RAP1GAP2: variants seen among roughly 807,000 people sequenced by gnomAD.
RAP1GAP2 encodes rap1 GTPase-activating protein 2.
A neutral mutation model predicts 95.0 loss-of-function variants in RAP1GAP2; 27 were observed. The ratio of observed to expected loss-of-function variants is 0.28; its 90% CI spans 0.21 to 0.39. The LOEUF (loss-of-function observed/expected upper bound fraction) is 0.39. Ranked by LOEUF, RAP1GAP2 falls within the 10% of genes least tolerant of loss-of-function variation. The probability of loss-of-function intolerance (pLI) is 1.00; values close to 1 mark genes in which losing one functional copy is unlikely to be tolerated. For synonymous variants in RAP1GAP2, 373 were observed against 380.9 expected (o/e 0.98, Z 0.24); for missense variants, 771 against 970.0 (o/e 0.79, Z 2.72).
chr17:3,005,849 AG>A lies in RAP1GAP2; in HGVS notation c.1273-102del. Reference sequence around the variant, plus strand: ...GATCCGCTGTCGGAAGGGACTTTTCAGGGGTTCTCCCCATGGCCCCGGCTCT... The same window carrying A: ...GATCCGCTGTCGGAAGGGACTTTTCAGGGTTCTCCCCATGGCCCCGGCTCT... On this transcript the variant is annotated intron_variant, in intron 15 of 24. Coordinates refer to ENST00000254695, the MANE Select transcript of RAP1GAP2 (RefSeq NM_015085.5). This position sits in a 1 kb window ranked among gnomAD's most constrained non-coding sequence, Gnocchi z 5.2. 1 of 1,077,630 alleles carries A rather than the reference AG, an allele frequency of 9.3e-7. No individual in the cohort carries two copies. The highest frequency in any genetic ancestry group is 1.4e-6 in the Non-Finnish European group (1 of 695,040). 66.8% of individuals were successfully genotyped at this position (1,077,630 alleles called of 1,614,324 possible).
In RAP1GAP2 at chr17:2,965,573, C is replaced by T; in HGVS notation, c.526C>T (p.Leu176=). 6.2e-7 allele frequency: 1 copy of T among 1,612,950 alleles called. No individual in the cohort carries two copies. Among genetic ancestry groups the T allele is most frequent in the Non-Finnish European group, 8.5e-7 (1 of 1,179,584 alleles). The change falls in exon 8 of 25, where the codon CTG becomes TTG. Residue 176 remains leucine (L), a synonymous_variant. Transcript: ENST00000254695. The surrounding 1 kb of genome is among the most constrained non-coding windows in gnomAD (Gnocchi z 4.7). The part of the protein sequence containing the change: ...HLNFYCTGSS[L]GNLILSVKCE... The stretch of plus-strand genomic sequence containing the variant: ...AAACTTTTACTGTACCGGCAGCAGC[C>T]TGGGGAACTTGATCCTGTCCGTCAA...
intron 2 of RAP1GAP2, among the ~76,000 whole-genome samples, chr17:2,879,492 C>G (rs1280014391): frequency 6.6e-6 from 1 of 151,966 alleles, no homozygotes; most frequent in Non-Finnish European, 1.5e-5. Flanking sequence ...CTTTGAGAGG[C>G]CAAGGCGGGC....
chr17:2,931,121 CAAAA>C (rs67067799), intron 3 of RAP1GAP2, among the ~76,000 whole-genome samples: 3 of 67,176 alleles, frequency 4.5e-5, no homozygotes, highest in Non-Finnish European at 8.7e-5. Flanking sequence ...GACTCCATCT[CAAAA>C]AAAAAAAAAA....
At chr17:3,013,074 G>C (rs901851839) in intron 17 of RAP1GAP2, among the ~76,000 whole-genome samples, 2 of 152,206 alleles carry the variant, frequency 1.3e-5, no homozygotes, top group African/African-American at 4.8e-5. Context: ...ACCCGGGACC[G>C]TGGCAAGCTG....
At chr17:2,933,535 G>A (rs1037214291) in intron 3 of RAP1GAP2, among the ~76,000 whole-genome samples, 41 of 152,230 alleles carry the variant, frequency 2.7e-4, no homozygotes, top group African/African-American at 9.6e-5. Context: ...TCAGCCTGGG[G>A]GGCTCTTTAT....
At chr17:2,850,790 G>T (rs1236164879) in intron 2 of RAP1GAP2, among the ~76,000 whole-genome samples, 1 of 149,128 alleles carries the variant, frequency 6.7e-6, no homozygotes, top group African/African-American at 2.5e-5. Flanking sequence ...GGCCAGGCGC[G>T]ATGGCTCACA....
In RAP1GAP2 at chr17:2,957,757, A is replaced by G; in HGVS notation, c.166-2A>G. 6.2e-7 allele frequency: 1 copy of G among 1,606,690 alleles called. No individual in the cohort carries two copies. Among genetic ancestry groups the G allele is most frequent in the South Asian group, 1.1e-5 (1 of 90,034 alleles). ...TTCTGTCCCCCTGCTTTTGTCTTTC[A>G]GTCGTCGGAGTTCTTTGAGATGCTG... is the stretch of plus-strand genomic sequence containing the variant. On this transcript the variant is annotated splice_acceptor_variant, in intron 3 of 24. Coordinates refer to ENST00000254695, the MANE Select transcript of RAP1GAP2 (RefSeq NM_015085.5). LOFTEE classifies it high-confidence loss of function.
chr17:2,949,852 C>T (rs1597698547), intron 3 of RAP1GAP2, among the ~76,000 whole-genome samples: 2 of 152,298 alleles, frequency 1.3e-5, no homozygotes, highest in East Asian at 3.9e-4. Context: ...GAAAGTGCAG[C>T]AAGTCGCTGA....
intron 1 of RAP1GAP2, among the ~76,000 whole-genome samples, chr17:2,769,419 G>T (rs1305637188): frequency 1.3e-5 from 2 of 151,430 alleles, no homozygotes; most frequent in African/African-American, 4.8e-5. Context: ...GCCGGGCGTG[G>T]CGGTGGGCGC....
intron 2 of RAP1GAP2, among the ~76,000 whole-genome samples, chr17:2,901,465 T>A (rs2042023628): frequency 6.6e-6 from 1 of 152,112 alleles, no homozygotes; most frequent in Non-Finnish European, 1.5e-5. Flanking sequence ...GGGCCCCGCG[T>A]CGTTAGAGTT....
intron 1 of RAP1GAP2, among the ~76,000 whole-genome samples, chr17:2,762,223 G>A (rs1470437044): frequency 4.0e-5 from 6 of 151,508 alleles, no homozygotes; most frequent in African/African-American, 1.4e-4. Flanking sequence ...TCCTGACCTC[G>A]TGATCCACCT....
rs1406062167 is a variant in RAP1GAP2 at position 2,906,355 on chromosome 17, G to T, written c.165+987G>T. The stretch of plus-strand genomic sequence containing the variant: ...GATAAAACCCATCCATCTTCCTGTT[G>T]TTGTCCTGTATCCGATACCCATCAC... On this transcript the variant is annotated intron_variant, in intron 3 of 24. Transcript: ENST00000254695. This position sits in a 1 kb window ranked among gnomAD's most constrained non-coding sequence, Gnocchi z 4.3. Among the ~76,000 whole-genome samples, 1 of 152,034 alleles carries T rather than the reference G, an allele frequency of 6.6e-6. No individual in the cohort carries two copies. Among genetic ancestry groups the T allele is most frequent in the Non-Finnish European group, 1.5e-5 (1 of 68,022 alleles).
chr17:2,885,050 TTG>T, intron 2 of RAP1GAP2, among the ~76,000 whole-genome samples: 1 of 148,690 alleles, frequency 6.7e-6, no homozygotes. Context: ...TTTTTTTTTT[TTG>T]AGATGGAGTC....
chr17:2,963,337 A>T lies in RAP1GAP2; in HGVS notation c.247-93A>T. 40 of 1,039,286 alleles carry T rather than the reference A, an allele frequency of 3.8e-5. No homozygotes were observed. The highest frequency in any genetic ancestry group is 5.3e-5 in the Non-Finnish European group (36 of 683,510). The allele number at this position is 1,039,286 out of a possible 1,614,324, so 64.4% of individuals were successfully genotyped here. A position where few individuals can be genotyped will look rare whatever the true frequency, so the allele number is the denominator to read the frequency against. ...AATGTTCCTCCCTCAAAGCCCCCCC[A>T]CAACATATCCCCCTTGCAAGACCTG... On this transcript the variant is annotated intron_variant, in intron 5 of 24. Transcript: ENST00000254695. This position sits in a 1 kb window ranked among gnomAD's most constrained non-coding sequence, Gnocchi z 4.8.
intron 3 of RAP1GAP2, among the ~76,000 whole-genome samples, chr17:2,912,155 C>T (rs945591392): frequency 2.6e-5 from 4 of 152,234 alleles, no homozygotes; most frequent in African/African-American, 7.2e-5. Flanking sequence ...GGCAGGTGTG[C>T]AGGCTTCCTA....
chr17:2,835,144 G>A (rs1344013983), intron 2 of RAP1GAP2, among the ~76,000 whole-genome samples: 1 of 150,976 alleles, frequency 6.6e-6, no homozygotes, highest in Non-Finnish European at 1.5e-5. Context: ...GGATGGTCTC[G>A]ATCTCCTGAC....
Position 2,796,847 on chromosome 17 carries a change from A to G in RAP1GAP2, c.44+276A>G, listed in dbSNP as rs2069103309. Among the ~76,000 whole-genome samples, 1 of 150,622 alleles carries G rather than the reference A, an allele frequency of 6.6e-6. No homozygotes were observed. Among genetic ancestry groups the G allele is most frequent in the East Asian group, 1.9e-4 (1 of 5,174 alleles). On this transcript the variant is annotated intron_variant, in intron 1 of 24. Coordinates refer to ENST00000254695, the MANE Select transcript of RAP1GAP2 (RefSeq NM_015085.5). This position sits in a 1 kb window ranked among gnomAD's most constrained non-coding sequence, Gnocchi z 4.7. ...GATAGCATGAGTGTGACTGCAGTTG[A>G]ATGTGTGTGTCTCTGTGTCCGCAGG...
intron 1 of RAP1GAP2, among the ~76,000 whole-genome samples, chr17:2,788,801 C>T (rs1470742679): frequency 3.3e-5 from 5 of 152,262 alleles, no homozygotes; most frequent in South Asian, 4.2e-4. Context: ...CCACATTTTT[C>T]GTCTATTCAA....
At chr17:2,818,470 C>G (rs181109425) in intron 2 of RAP1GAP2, among the ~76,000 whole-genome samples, 1 of 151,858 alleles carries the variant, frequency 6.6e-6, no homozygotes. Context: ...ATTACAAGTG[C>G]GTGCCACCAC....
Sources: gnomAD v4.1 joint callset for allele counts (sites outside exome capture counted in the v4.1 genomes callset) on GRCh38, gnomAD v4.1.1 for gene constraint, Gnocchi (gnomAD v3.1) non-coding constraint, MANE v1.5 for transcripts, NCBI Gene and HGNC (gene_info 2026-07-23, HGNC 2026-07-21) for gene names.